The following PMPCB variants were observed in gnomAD, a reference collection of about 807,000 sequenced individuals.
The protein encoded by PMPCB is peptidase, mitochondrial processing subunit beta, also known as mitochondrial-processing peptidase subunit beta.
PMPCB carries 46 observed loss-of-function variants against 61.5 expected under a neutral mutation model. The ratio of observed to expected loss-of-function variants is 0.75; its 90% CI spans 0.59 to 0.96. The LOEUF (loss-of-function observed/expected upper bound fraction) is 0.96. PMPCB is among the 40% of genes least tolerant of loss of function. PMPCB has a pLI of 0.00. For synonymous variants in PMPCB, 191 were observed against 201.6 expected, an observed-to-expected ratio of 0.95 and a Z score of 0.44; for missense variants, 590 against 602.4, an observed-to-expected ratio of 0.98 and a Z score of 0.22.
chr7:103,316,975 CCT>C, downstream of PMPCB: 1 of 1,613,804 alleles, frequency 6.2e-7, no homozygotes, highest in Non-Finnish European at 8.5e-7. Flanking sequence ...GCCTCAGCTT[CCT>C]CTTTCTCTTT....
chr7:103,333,164 G>A (rs1368793033), downstream of PMPCB, among the ~76,000 whole-genome samples: 1 of 152,018 alleles, frequency 6.6e-6, no homozygotes, highest in Admixed American at 6.5e-5. Context: ...TGCTCAACTT[G>A]TATTTGTTTA....
rs1817855457 is a variant in PMPCB, at chr7:103,313,224, T to C, written c.*953T>C. On this transcript the variant is annotated 3_prime_UTR_variant, in exon 13 of 13. Coordinates refer to ENST00000249269, the MANE Select transcript of PMPCB (RefSeq NM_004279.3). ...GGGATGTGTCATTTTGAAAATAAAC[T>C]TGTAGAGATGAGAGATACATATAGC... is the stretch of plus-strand genomic sequence containing the variant. 1 of 1,453,698 alleles carries C rather than the reference T, an allele frequency of 6.9e-7. No individual in the cohort carries two copies. The highest frequency in any genetic ancestry group is 9.0e-7 in the Non-Finnish European group (1 of 1,108,720). 90.0% of individuals were successfully genotyped at this position (1,453,698 alleles called of 1,614,324 possible). A position where few individuals can be genotyped will look rare whatever the true frequency, so the allele number is the denominator to read the frequency against.
chr7:103,341,986 T>C, the PMPCB span: 3 of 1,467,434 alleles, frequency 2.0e-6, no homozygotes, highest in Admixed American at 4.9e-5. Context: ...GAGGCTTCAG[T>C]GTATCGCATG....
At position 103,303,944 on chromosome 7, in the gene PMPCB, C is replaced by G. The variant is rs753413503; in HGVS notation, c.560C>G (p.Thr187Ser). 1 of 1,613,458 alleles carries G rather than the reference C, an allele frequency of 6.2e-7. No individual in the cohort carries two copies. Among genetic ancestry groups the G allele is most frequent in the South Asian group, 1.1e-5 (1 of 91,074 alleles). The change falls in exon 5 of 13, where the codon ACC becomes AGC. Residue 187 changes from threonine to serine, a missense_variant. Transcript: ENST00000249269. ...CTTAGAGAGATGCAGGAAGTTGAAA[C>G]CAATTTACAAGAAGTTGTTTTTGAT... ...VILREMQEVE[T>S]NLQEVVFDYL... is the part of the protein sequence containing the mutation.
In PMPCB at chr7:103,297,451, C is replaced by G. The variant is rs570258518; in HGVS notation, c.-9C>G. On this transcript the variant is annotated 5_prime_UTR_variant, in exon 1 of 13. Coordinates refer to ENST00000249269, the MANE Select transcript of PMPCB (RefSeq NM_004279.3). ...ACATCCTTCATCCTCTACCTTCCTTCTAGCAGAAATGGCGGCTGCGGCGGC... is the reference window on the plus strand; with the variant it reads ...ACATCCTTCATCCTCTACCTTCCTTGTAGCAGAAATGGCGGCTGCGGCGGC... 9 of 1,544,766 alleles carry G rather than the reference C, an allele frequency of 5.8e-6. No homozygotes were observed. In the African/African-American group the frequency reaches 1.1e-4, roughly 19 times the overall value.
At chr7:103,315,878 A>C (rs1389796662), downstream of PMPCB, 1 of 1,598,492 alleles carries the variant, frequency 6.3e-7, no homozygotes, top group Non-Finnish European at 8.6e-7. Context: ...GGGTCTGAGA[A>C]ATGAAAAAAA....
rs769647623 is a variant in PMPCB at position 103,321,962 on chromosome 7, C to T, written c.*1432-6969C>T. 2.5e-6 allele frequency: 4 copies of T among 1,612,972 alleles called. No homozygotes were observed. The East Asian group carries it at 6.7e-5, about 27-fold the overall frequency. On this transcript the variant is annotated intron_variant and NMD_transcript_variant, in intron 12 of 12. Coordinates refer to the PMPCB transcript ENST00000444457. ...ATGAGTTTCGAAGTTTTTGCCTTTC[C>T]TTCTTAATGGCTTTTTTCTGGATAT...
chr7:103,315,043 TG>T (rs1311097925), downstream of PMPCB, among the ~76,000 whole-genome samples: 1 of 152,182 alleles, frequency 6.6e-6, no homozygotes, highest in Non-Finnish European at 1.5e-5. Context: ...ATATAATGGG[TG>T]TAACACTCAT....
the PMPCB span, among the ~76,000 whole-genome samples, chr7:103,338,042 G>T: frequency 1.3e-5 from 2 of 152,128 alleles, no homozygotes; most frequent in African/African-American, 4.8e-5. Context: ...CCAGGTGGAG[G>T]ATTGCTTGAG....
downstream of PMPCB, chr7:103,319,631 C>G (rs770053453): frequency 3.1e-6 from 5 of 1,614,114 alleles, no homozygotes; most frequent in Admixed American, 6.7e-5. Context: ...AGCAGCCTTT[C>G]CTACTTCTTT....
At chr7:103,310,523 T>A (rs760175111) in intron 9 of PMPCB, 48 bp downstream of exon 9, 3 of 1,446,234 alleles carry the variant, frequency 2.1e-6, no homozygotes, top group African/African-American at 2.8e-5. Context: ...TTAATTCGTT[T>A]TAAACTAGTT....
intron 6 of PMPCB, among the ~76,000 whole-genome samples, chr7:103,306,576 T>G (rs908933658): frequency 7.2e-5 from 11 of 152,074 alleles, no homozygotes; most frequent in African/African-American, 2.7e-4. Flanking sequence ...GGGATGGGGT[T>G]TCTCCATGTT....
chr7:103,324,447 A>ATTG, intron 12 of PMPCB: 1 of 1,431,612 alleles, frequency 7.0e-7, no homozygotes, highest in South Asian at 1.4e-5. Context: ...CCTTTTAAAA[A>ATTG]ATGACAGCAT....
chr7:103,346,609 C>G, the PMPCB span, among the ~76,000 whole-genome samples: 3 of 152,164 alleles, frequency 2.0e-5, no homozygotes, highest in Non-Finnish European at 4.4e-5. Flanking sequence ...TCTTACAAAA[C>G]TGAAACTATG....
chr7:103,315,748 G>T, downstream of PMPCB: 1 of 1,600,484 alleles, frequency 6.2e-7, no homozygotes, highest in South Asian at 1.1e-5. Context: ...TCTACGTTTA[G>T]AAAAGCAAAA....
chr7:103,310,159 T>G (rs1817695664), intron 8 of PMPCB, among the ~76,000 whole-genome samples, 156 bp from the exon 9 acceptor site: 1 of 152,222 alleles, frequency 6.6e-6, no homozygotes, highest in Non-Finnish European at 1.5e-5. Context: ...AACACAATTC[T>G]TAGTCATACT....
chr7:103,346,416 C>A, the PMPCB span, among the ~76,000 whole-genome samples: 4 of 152,306 alleles, frequency 2.6e-5, no homozygotes, highest in East Asian at 3.9e-4. Flanking sequence ...CAGGGGTGAG[C>A]CACGGTGCCC....
At chr7:103,336,653 T>C in the PMPCB span, 1 of 152,254 alleles carries the variant, frequency 6.6e-6, no homozygotes, top group African/African-American at 2.4e-5. Flanking sequence ...GCCAATGCTA[T>C]TCTTTCGTAT....
At chr7:103,320,725 C>CA (rs1219355123) in intron 12 of PMPCB, 1 of 141,768 alleles carries the variant, frequency 7.1e-6, no homozygotes, top group African/African-American at 2.6e-5. Flanking sequence ...GCCTGGGCGA[C>CA]AGAGCAAGAC....
Sources: gnomAD v4.1 joint callset for allele counts (sites outside exome capture counted in the v4.1 genomes callset) on GRCh38, gnomAD v4.1.1 for gene constraint, MANE v1.5 for transcripts, NCBI Gene and HGNC (gene_info 2026-07-23, HGNC 2026-07-21) for gene names.